Variants in PTPRG observed in about 807,000 individuals in gnomAD.
The protein encoded by PTPRG is protein tyrosine phosphatase receptor type G.
PTPRG carries 102 observed loss-of-function variants against 165.3 expected under a neutral mutation model. That is an observed-to-expected ratio of 0.62 (90% CI 0.53 to 0.73). The LOEUF is 0.73. PTPRG is among the 30% of genes least tolerant of loss of function. The pLI, the probability that PTPRG is intolerant of heterozygous loss-of-function variation, is 0.00. For missense variants in PTPRG, 1,866 were observed against 1,861.4 expected, an observed-to-expected ratio of 1.00 and a Z score of -0.05; for synonymous variants, 675 against 669.5, an observed-to-expected ratio of 1.01 and a Z score of -0.13.
intron 5 of PTPRG, among the ~76,000 whole-genome samples, chr3:62,088,561 C>A (rs967830253): frequency 6.6e-6 from 1 of 152,202 alleles, no homozygotes; most frequent in African/African-American, 2.4e-5. Context: ...AGGTTTACCT[C>A]CGCCCTGTTA....
chr3:61,735,961 G>A (rs531459926), intron 1 of PTPRG, among the ~76,000 whole-genome samples: 29 of 150,510 alleles, frequency 1.9e-4, no homozygotes, highest in Non-Finnish European at 2.5e-4. Flanking sequence ...AGGCTGGAGC[G>A]CAGTGGCGTG....
chr3:61,676,812 G>A (rs1703249540), intron 1 of PTPRG, among the ~76,000 whole-genome samples: 1 of 152,154 alleles, frequency 6.6e-6, no homozygotes. Context: ...TAGAGATTGG[G>A]TAACTGTTGG....
intron 8 of PTPRG, among the ~76,000 whole-genome samples, chr3:62,183,843 CG>C (rs1382775543): frequency 3.9e-5 from 6 of 152,136 alleles, no homozygotes; most frequent in African/African-American, 1.4e-4. Flanking sequence ...GAGAAGGGAA[CG>C]GGAAGGAAGC....
intron 1 of PTPRG, among the ~76,000 whole-genome samples, chr3:61,578,336 C>T (rs1389623278): frequency 6.6e-6 from 1 of 152,208 alleles, no homozygotes; most frequent in African/African-American, 2.4e-5. Flanking sequence ...CAATCAGCCC[C>T]TGGTGCCTGA....
At chr3:62,282,597 T>C in intron 27 of PTPRG, 130 bp from the exon 28 acceptor site, 1 of 820,834 alleles carries the variant, frequency 1.2e-6, no homozygotes, top group Non-Finnish European at 1.8e-6. Flanking sequence ...TTTCCAGCTG[T>C]GGTTTGGTTA....
chr3:62,082,526 A>G (rs1037154813), intron 5 of PTPRG, among the ~76,000 whole-genome samples: 4 of 152,212 alleles, frequency 2.6e-5, no homozygotes, highest in African/African-American at 9.6e-5. Context: ...ATGATGTAGC[A>G]GTAATCGAGA....
intron 1 of PTPRG, among the ~76,000 whole-genome samples, chr3:61,689,100 T>G (rs778559317): frequency 6.6e-6 from 1 of 152,228 alleles, no homozygotes; most frequent in African/African-American, 2.4e-5. Context: ...AATCCATCAC[T>G]CTGGACTTTA....
chr3:61,891,713 A>C (rs1264781319), intron 2 of PTPRG, among the ~76,000 whole-genome samples: 1 of 152,224 alleles, frequency 6.6e-6, no homozygotes, highest in African/African-American at 2.4e-5. Flanking sequence ...ATCTAAAGAG[A>C]GGCAAAGTGT....
intron 6 of PTPRG, among the ~76,000 whole-genome samples, chr3:62,150,108 G>T (rs977793007): frequency 6.6e-6 from 1 of 152,166 alleles, no homozygotes; most frequent in African/African-American, 2.4e-5. Flanking sequence ...GCAAAACAGT[G>T]GTCAGGATAG....
intron 1 of PTPRG, among the ~76,000 whole-genome samples, chr3:61,714,466 G>A (rs1575605645): frequency 1.3e-5 from 2 of 152,270 alleles, no homozygotes; most frequent in African/African-American, 4.8e-5. Flanking sequence ...ATGGGACCAC[G>A]AGATTGGTAC....
At chr3:62,094,793 G>A (rs577931128) in intron 5 of PTPRG, among the ~76,000 whole-genome samples, 2 of 152,296 alleles carry the variant, frequency 1.3e-5, no homozygotes, top group Non-Finnish European at 2.9e-5. Flanking sequence ...AGAGTAGGGA[G>A]GCTGATGGAC....
chr3:62,265,734 G>T (rs376830306), intron 17 of PTPRG, among the ~76,000 whole-genome samples: 2 of 151,818 alleles, frequency 1.3e-5, no homozygotes, highest in African/African-American at 4.8e-5. Flanking sequence ...CTCAATCAAG[G>T]CTCACCACTG....
intron 5 of PTPRG, among the ~76,000 whole-genome samples, chr3:62,130,764 C>G (rs771939286): frequency 6.6e-6 from 1 of 152,112 alleles, no homozygotes; most frequent in Non-Finnish European, 1.5e-5. Context: ...GGTACAAATA[C>G]GATGTTTCTT....
intron 1 of PTPRG, among the ~76,000 whole-genome samples, chr3:61,680,214 C>T (rs962410941): frequency 2.0e-5 from 3 of 152,052 alleles, no homozygotes; most frequent in African/African-American, 7.2e-5. Flanking sequence ...TTAACAGTGC[C>T]CCCTTTCACT....
intron 4 of PTPRG, among the ~76,000 whole-genome samples, chr3:62,038,448 A>T (rs1461221111): frequency 2.0e-5 from 3 of 151,988 alleles, no homozygotes; most frequent in African/African-American, 7.3e-5. Flanking sequence ...CCCAGGTTGG[A>T]GTGCAGTGGT....
At chr3:61,755,454 T>C (rs1448235998) in intron 2 of PTPRG, among the ~76,000 whole-genome samples, 1 of 152,242 alleles carries the variant, frequency 6.6e-6, no homozygotes, top group Non-Finnish European at 1.5e-5. Flanking sequence ...GTCTCCCCTT[T>C]ATTTATTTTT....
At chr3:62,065,730 A>G (rs570375671) in intron 4 of PTPRG, among the ~76,000 whole-genome samples, 7 of 152,214 alleles carry the variant, frequency 4.6e-5, no homozygotes, top group East Asian at 1.9e-4. Flanking sequence ...GGGAGAGGTC[A>G]TGATACAACA....
intron 2 of PTPRG, among the ~76,000 whole-genome samples, chr3:61,938,873 G>A (rs2039543698): frequency 6.6e-6 from 1 of 152,106 alleles, no homozygotes; most frequent in African/African-American, 2.4e-5. Context: ...AATTGGTTTC[G>A]AGATTTTTGC....
Position 62,224,381 on chromosome 3 carries a change from C to T in PTPRG, c.2288+5398C>T, listed in dbSNP as rs928588866. ...ACCAGTGGTTTCTCTTTCTGGAACA[C>T]ATATCTCCCAAACTGGTGTAGCAGG... On this transcript the variant is annotated intron_variant, in intron 13 of 29. Coordinates refer to ENST00000474889, the MANE Select transcript of PTPRG (RefSeq NM_002841.4). This position sits in a 1 kb window ranked among gnomAD's most constrained non-coding sequence, Gnocchi z 4.9. Among the ~76,000 whole-genome samples, 10 of 152,210 alleles carry T rather than the reference C, an allele frequency of 6.6e-5. No homozygotes were observed. Among genetic ancestry groups the T allele is most frequent in the Non-Finnish European group, 1.0e-4 (7 of 68,042 alleles).
Sources: allele counts gnomAD v4.1 joint callset (sites outside exome capture counted in the v4.1 genomes callset), GRCh38; gene constraint gnomAD v4.1.1; non-coding constraint Gnocchi (gnomAD v3.1); transcripts MANE v1.5; gene names NCBI Gene and HGNC (gene_info 2026-07-23, HGNC 2026-07-21).